The following FSD2 variants were observed in gnomAD, a reference collection of about 807,000 sequenced individuals.
The protein encoded by FSD2 is fibronectin type III and SPRY domain-containing protein 2.
FSD2 carries 71 observed loss-of-function variants against 80.4 expected under a neutral mutation model. The ratio of observed to expected loss-of-function variants is 0.88; its 90% CI spans 0.73 to 1.08. The LOEUF (loss-of-function observed/expected upper bound fraction) is 1.08. FSD2 is among the 50% of genes least tolerant of loss of function. The pLI, the probability that FSD2 is intolerant of heterozygous loss-of-function variation, is 0.00. For missense variants in FSD2, 923 were observed against 913.8 expected, an observed-to-expected ratio of 1.01 and a Z score of -0.13; for synonymous variants, 361 against 329.5, an observed-to-expected ratio of 1.10 and a Z score of -1.03.
At position 82,759,211 on chromosome 15, in the gene FSD2, C is replaced by T; in HGVS notation, c.*137G>A. 2 of 936,736 alleles carry T rather than the reference C, an allele frequency of 2.1e-6. No individual in the cohort carries two copies. The highest frequency in any genetic ancestry group is 1.6e-6 in the Non-Finnish European group (1 of 641,906). 58.0% of individuals were successfully genotyped at this position (936,736 alleles called of 1,614,324 possible). A position where few individuals can be genotyped will look rare whatever the true frequency, so the allele number is the denominator to read the frequency against. ...CCAGGTTGGGTGAAATGAGCGCTAG[C>T]ACACCAGTCAGATAATAGCATGAGC... On this transcript the variant is annotated 3_prime_UTR_variant, in exon 13 of 13. Coordinates refer to ENST00000334574, the MANE Select transcript of FSD2 (RefSeq NM_001007122.4).
intron 1 of FSD2, among the ~76,000 whole-genome samples, chr15:82,800,205 C>T (rs1212283916): frequency 6.6e-6 from 1 of 152,162 alleles, no homozygotes; most frequent in East Asian, 1.9e-4. Flanking sequence ...TGGGGACAAC[C>T]AGCCAGGCTC....
chr15:82,784,929 G>A (rs973075151), intron 3 of FSD2, among the ~76,000 whole-genome samples: 23 of 152,210 alleles, frequency 1.5e-4, no homozygotes, highest in Admixed American at 1.3e-3. Flanking sequence ...ACTGTGGCAT[G>A]TTTGGTGACA....
At chr15:82,793,635 T>C (rs1238817580) in intron 1 of FSD2, among the ~76,000 whole-genome samples, 1 of 152,116 alleles carries the variant, frequency 6.6e-6, no homozygotes, top group Non-Finnish European at 1.5e-5. Context: ...TGAATTCACT[T>C]TGGAAAAAGC....
rs745354885 is a variant in FSD2, at chr15:82,772,100, C to T, written c.1240G>A (p.Asp414Asn). The T allele has an allele frequency of 1.8e-5, 28 of 1,599,382 alleles. No individual in the cohort carries two copies. The highest frequency in any genetic ancestry group is 2.4e-5 in the Non-Finnish European group (28 of 1,174,264). Residue 414 changes from aspartate (D) to asparagine (N), a missense_variant, in exon 7 of 13, where the codon GAC (aspartate) becomes AAC (asparagine). Transcript: ENST00000334574. ...GCTTGGTCCGTCCCAGGTGAGCTGTCCTGCACTGGCCGGTAGGACAGCTGA... is the reference window on the plus strand; with the variant it reads ...GCTTGGTCCGTCCCAGGTGAGCTGTTCTGCACTGGCCGGTAGGACAGCTGA... ...SYQLSYRPVQ[D>N]SSPGTDQAEF...
chr15:82,798,190 A>T (rs886441750), intron 1 of FSD2, among the ~76,000 whole-genome samples: 1 of 151,918 alleles, frequency 6.6e-6, no homozygotes, highest in Admixed American at 6.6e-5. Context: ...AAATCAAAAA[A>T]CAAAACTAGC....
intron 1 of FSD2, among the ~76,000 whole-genome samples, chr15:82,790,793 G>T (rs1430271646): frequency 1.4e-5 from 2 of 143,780 alleles, no homozygotes; most frequent in Non-Finnish European, 3.0e-5. Flanking sequence ...CACTGTGTTA[G>T]CCAGGATGGT....
rs1394369992 is a variant in FSD2 at position 82,786,550 on chromosome 15, G to A, written c.696C>T (p.Asn232=). The change falls in exon 3 of 13, where the codon AAC becomes AAT. Residue 232 remains asparagine (N), a synonymous_variant. Coordinates refer to ENST00000334574, the MANE Select transcript of FSD2 (RefSeq NM_001007122.4). The part of the protein sequence containing the change: ...KLEKQIIEME[N]FANHLEEVFI... ...AAACCTCCTCCAAATGATTTGCAAA[G>A]TTTTCCATCTCAATTATCTGCTTTT... The A allele has an allele frequency of 2.5e-6, 4 of 1,613,538 alleles. No homozygotes were observed. The African/African-American group carries it at 5.3e-5, about 22-fold the overall frequency.
chr15:82,786,956 G>A lies in FSD2; in HGVS notation c.435C>T (p.Asp145=), dbSNP rs1036850229. 1 of 1,613,872 alleles carries A rather than the reference G, an allele frequency of 6.2e-7. No individual in the cohort carries two copies. The highest frequency in any genetic ancestry group is 8.5e-7 in the Non-Finnish European group (1 of 1,179,896). ...GGWGSAGQCQ[D]LREAYRYTHG... is the part of the protein sequence containing the mutation. Reference sequence around the variant, plus strand: ...GTGTGTACCTATAGGCTTCCCGCAAGTCCTGGCACTGGCCTGCTGAGCCCC... The same window carrying A: ...GTGTGTACCTATAGGCTTCCCGCAAATCCTGGCACTGGCCTGCTGAGCCCC... The change falls in exon 2 of 13, where the codon GAC becomes GAT. Residue 145 remains aspartate, a synonymous_variant. Transcript: ENST00000334574.
chr15:82,779,748 A>G (rs1292768828), intron 5 of FSD2, among the ~76,000 whole-genome samples: 2 of 151,670 alleles, frequency 1.3e-5, no homozygotes, highest in African/African-American at 2.4e-5. Flanking sequence ...CTCTATGTTC[A>G]TGTTGCTTTA....
chr15:82,787,728 AAACTT>A (rs2050038315), intron 1 of FSD2, among the ~76,000 whole-genome samples: 1 of 152,236 alleles, frequency 6.6e-6, no homozygotes, highest in African/African-American at 2.4e-5. Flanking sequence ...ATTAAAAAAA[AAACTT>A]AAAAGGCAAA....
intron 6 of FSD2, 134 bp downstream of exon 6, chr15:82,778,632 T>C: frequency 1.0e-6 from 1 of 965,312 alleles, no homozygotes; most frequent in Non-Finnish European, 1.5e-6. Flanking sequence ...ACAGTACCTG[T>C]ATTTAACAAT....
rs1182427050 is a variant in FSD2 at position 82,759,393 on chromosome 15, C to A, written c.2205G>T (p.Lys735Asn). ...CFSLEKPGCL[K>N]VHNGISMPKH... is the part of the protein sequence containing the mutation. ...TTGGCATTGAAATGCCATTATGTAC[C>A]TTTAGACACCCAGGCTTTTCCAAAG... The change falls in exon 13 of 13, where the codon AAG (lysine) becomes AAT (asparagine). Residue 735 changes from lysine to asparagine, a missense_variant. Coordinates refer to ENST00000334574, the MANE Select transcript of FSD2 (RefSeq NM_001007122.4). 3 of 1,613,562 alleles carry A rather than the reference C, an allele frequency of 1.9e-6. No individual in the cohort carries two copies. The highest frequency in any genetic ancestry group is 3.3e-5 in the Admixed American group (2 of 59,950).
intron 9 of FSD2, among the ~76,000 whole-genome samples, chr15:82,768,304 C>A (rs911872923): frequency 1.3e-5 from 2 of 152,246 alleles, no homozygotes; most frequent in Non-Finnish European, 2.9e-5. Flanking sequence ...GCCCCCTCCC[C>A]CCGAAGCACC....
At position 82,786,600 on chromosome 15, in the gene FSD2, T is replaced by C; in HGVS notation, c.646A>G (p.Ile216Val). 1.2e-6 allele frequency: 2 copies of C among 1,613,358 alleles called. No homozygotes were observed. Among genetic ancestry groups the C allele is most frequent in the South Asian group, 1.1e-5 (1 of 91,062 alleles). ...TCCAATTTGTACATGTTTTTGTGAA[T>C]TTCATCCTATCCAACAGAGGATCAC... Reference protein sequence around the residue: ...NEALESAKDEIHKNMYKLEKQ... With the variant: ...NEALESAKDEVHKNMYKLEKQ... Residue 216 changes from isoleucine to valine, a missense_variant, in exon 3 of 13, where the codon ATT (isoleucine) becomes GTT (valine). By Grantham distance (29) the Ile-to-Val change is conservative. Transcript: ENST00000334574.
intron 1 of FSD2, among the ~76,000 whole-genome samples, chr15:82,791,939 G>A (rs1049359243): frequency 5.3e-5 from 8 of 152,192 alleles, no homozygotes; most frequent in African/African-American, 1.9e-4. Flanking sequence ...GACCAGAAAA[G>A]TATTCCGTTG....
At chr15:82,777,907 C>G (rs373068763) in intron 6 of FSD2, among the ~76,000 whole-genome samples, 5 of 149,414 alleles carry the variant, frequency 3.3e-5, no homozygotes, top group Admixed American at 3.3e-4. Context: ...GAACTGGAAC[C>G]CTTATATACT....
rs867667788 is a variant in FSD2, at chr15:82,765,944, C to T, written c.1641G>A (p.Met547Ile). The T allele has an allele frequency of 6.2e-7, 1 of 1,609,214 alleles. No individual in the cohort carries two copies. The highest frequency in any genetic ancestry group is 1.1e-5 in the South Asian group (1 of 89,730). ...SYIIYVRALNMGGPSVRSEPA... is the reference protein window; with the variant it reads ...SYIIYVRALNIGGPSVRSEPA... The stretch of plus-strand genomic sequence containing the variant: ...GCTCGCTCCTCACGCTGGGGCCCCC[C>T]ATATTGAGGGCTCGCACATAGATAA... The change falls in exon 10 of 13, where the codon ATG becomes ATA. Residue 547 changes from methionine (M) to isoleucine (I), a missense_variant. Transcript: ENST00000334574.
At position 82,756,562 on chromosome 15, in the gene FSD2, T is replaced by G. The variant is rs12915384; in HGVS notation, c.*2786A>C. 0.13 allele frequency: 20,306 copies of G among 152,310 alleles called. 1,510 individuals are homozygous for G. Among genetic ancestry groups the G allele is most frequent in the Non-Finnish European group, 0.17 (11,398 of 68,036 alleles). The allele number at this position is 152,310 out of a possible 1,614,324, so 9.4% of individuals were successfully genotyped here. A position where few individuals can be genotyped will look rare whatever the true frequency, so the allele number is the denominator to read the frequency against. On this transcript the variant is annotated 3_prime_UTR_variant, in exon 13 of 13. Coordinates refer to ENST00000334574, the MANE Select transcript of FSD2 (RefSeq NM_001007122.4). ...TTTCTAAATAAAAGTCATTTAATTTTATCAGAAATCAGTGTCATTTTAGAT... is the reference window on the plus strand; with the variant it reads ...TTTCTAAATAAAAGTCATTTAATTTGATCAGAAATCAGTGTCATTTTAGAT...
chr15:82,768,869 T>C lies in FSD2; in HGVS notation c.1553+11A>G, dbSNP rs962146760. ...GGGCTCTCGTGCCCAGCAAATGCCC[T>C]CATGACTCACTCAGTTACACCCGAG... On this transcript the variant is annotated intron_variant, in intron 9 of 12. Transcript: ENST00000334574. 6 of 1,514,010 alleles carry C rather than the reference T, an allele frequency of 4.0e-6. No individual in the cohort carries two copies. The highest frequency in any genetic ancestry group is 4.4e-6 in the Non-Finnish European group (5 of 1,131,990). The allele number at this position is 1,514,010 out of a possible 1,614,324, so 93.8% of individuals were successfully genotyped here.
Sources: gnomAD v4.1 joint callset for allele counts (sites outside exome capture counted in the v4.1 genomes callset) on GRCh38, gnomAD v4.1.1 for gene constraint, MANE v1.5 for transcripts, NCBI Gene and HGNC (gene_info 2026-07-23, HGNC 2026-07-21) for gene names.